The following NLRC5 variants were observed in gnomAD, a reference collection of about 807,000 sequenced individuals.
NLRC5 encodes protein NLRC5.
NLRC5 carries 114 observed loss-of-function variants against 206.9 expected under a neutral mutation model. The ratio of observed to expected loss-of-function variants is 0.55; its 90% CI spans 0.47 to 0.64. NLRC5 has a LOEUF of 0.64. Ranked by LOEUF, NLRC5 falls within the 30% of genes least tolerant of loss-of-function variation. NLRC5 has a pLI of 0.00. For synonymous variants in NLRC5, 952 were observed against 962.8 expected (o/e 0.99, Z 0.21); for missense variants, 2,008 against 2,305.5 (o/e 0.87, Z 2.64).
Position 57,025,615 on chromosome 16 carries a change from C to G in NLRC5, c.672C>G (p.Thr224=), listed in dbSNP as rs761428858. The change falls in exon 6 of 49, where the codon ACC becomes ACG. Residue 224 remains threonine, a synonymous_variant. Coordinates refer to ENST00000688547, the MANE Select transcript of NLRC5 (RefSeq NM_001384950.1). The part of the protein sequence containing the change: ...NTRVNKGPRV[T]VLLGKAGMGK... Reference sequence around the variant, plus strand: ...GGGTTAACAAGGGCCCGAGGGTGACCGTGCTTTTGGGGAAGGCTGGCATGG... The same window carrying G: ...GGGTTAACAAGGGCCCGAGGGTGACGGTGCTTTTGGGGAAGGCTGGCATGG... The G allele has an allele frequency of 1.2e-5, 20 of 1,614,050 alleles. No homozygotes were observed. The highest frequency in any genetic ancestry group is 1.6e-5 in the Non-Finnish European group (19 of 1,180,038).
chr16:57,072,997 T>G (rs1223780494), intron 38 of NLRC5, among the ~76,000 whole-genome samples: 1 of 152,240 alleles, frequency 6.6e-6, no homozygotes, highest in Non-Finnish European at 1.5e-5. Context: ...CTCACTGGTC[T>G]GTTTCTTTGC....
rs200883407 is a variant in NLRC5 at position 57,046,613 on chromosome 16, C to T, written c.3310C>T (p.Arg1104Cys). 70 of 1,614,038 alleles carry T rather than the reference C, an allele frequency of 4.3e-5. No homozygotes were observed. Among genetic ancestry groups the T allele is most frequent in the Non-Finnish European group, 3.6e-5 (42 of 1,179,954 alleles). The change falls in exon 22 of 49, where the codon CGT becomes TGT. Residue 1104 changes from arginine (R) to cysteine (C), a missense_variant. Transcript: ENST00000688547. ...FPAAAKFLGF[R>C]QRCIPRSLCL... ...AGCTGCAGCCAAGTTCTTAGGGTTC[C>T]GTCAGCGCTGCATCCCCAGGAGCCT... is the stretch of plus-strand genomic sequence containing the variant.
chr16:57,072,235 T>C (rs2067879483), intron 38 of NLRC5, among the ~76,000 whole-genome samples: 2 of 152,140 alleles, frequency 1.3e-5, no homozygotes, highest in Admixed American at 6.5e-5. Flanking sequence ...CAGGCTTACT[T>C]TCTCTCAGCT....
At chr16:57,002,018 C>G (rs1341640003) in intron 1 of NLRC5, among the ~76,000 whole-genome samples, 1 of 152,126 alleles carries the variant, frequency 6.6e-6, no homozygotes, top group East Asian at 1.9e-4. Context: ...TCTTTCTGTA[C>G]CTGGCTTATT....
At chr16:57,000,992 G>A (rs921856397) in intron 1 of NLRC5, among the ~76,000 whole-genome samples, 10 of 152,218 alleles carry the variant, frequency 6.6e-5, no homozygotes, top group Admixed American at 6.5e-5. Flanking sequence ...AATGGGCACA[G>A]CATAGACCCC....
chr16:57,075,499 C>T (rs983774363), intron 39 of NLRC5, among the ~76,000 whole-genome samples: 10 of 152,244 alleles, frequency 6.6e-5, no homozygotes, highest in African/African-American at 1.9e-4. Context: ...GGATTACAGG[C>T]GTGAGCCACC....
intron 27 of NLRC5, among the ~76,000 whole-genome samples, chr16:57,056,536 G>A (rs2065685373): frequency 6.6e-6 from 1 of 152,150 alleles, no homozygotes; most frequent in Non-Finnish European, 1.5e-5. Flanking sequence ...GTGATCCTCA[G>A]CCTCCCAGGT....
At chr16:57,028,922 C>G (rs762595211) in intron 8 of NLRC5, among the ~76,000 whole-genome samples, 1 of 152,162 alleles carries the variant, frequency 6.6e-6, no homozygotes, top group Non-Finnish European at 1.5e-5. Context: ...ATACTCCTGC[C>G]CTGTGTCTGG....
At chr16:57,078,060 G>A in intron 43 of NLRC5, 40 bp downstream of exon 43, 5 of 1,515,364 alleles carry the variant, frequency 3.3e-6, no homozygotes, top group Non-Finnish European at 3.6e-6. Context: ...GGCTGGTGGG[G>A]AGGAGGGTCC....
intron 1 of NLRC5, among the ~76,000 whole-genome samples, chr16:57,010,506 T>G (rs532988906): frequency 1.3e-5 from 2 of 152,258 alleles, no homozygotes; most frequent in South Asian, 4.1e-4. Flanking sequence ...CCCGATTAGC[T>G]GGGACTACAG....
intron 30 of NLRC5, among the ~76,000 whole-genome samples, chr16:57,060,731 C>T (rs1444961757): frequency 1.3e-5 from 2 of 152,158 alleles, no homozygotes; most frequent in Non-Finnish European, 2.9e-5. Context: ...CTGCTCACAC[C>T]GCACTCAGCT....
In NLRC5 at chr16:57,069,069, A is replaced by G. The variant is rs531688291; in HGVS notation, c.4500-767A>G. Among the ~76,000 whole-genome samples, 7 of 152,360 alleles carry G rather than the reference A, an allele frequency of 4.6e-5. No homozygotes were observed. In the South Asian group the frequency reaches 1.4e-3, roughly 32 times the overall value. ...GATGTTAACTGTGATCACCTGTGAC[A>G]GTGGTGTCTGCCAGGTCTCTCCACT... On this transcript the variant is annotated intron_variant, in intron 36 of 48. Coordinates refer to ENST00000688547, the MANE Select transcript of NLRC5 (RefSeq NM_001384950.1).
intron 1 of NLRC5, among the ~76,000 whole-genome samples, chr16:57,003,194 G>A (rs1182194682): frequency 1.3e-5 from 2 of 151,996 alleles, no homozygotes; most frequent in African/African-American, 2.4e-5. Context: ...GATTACAGGC[G>A]CCTGCCACCA....
At chr16:57,032,030 T>C (rs1257907659) in intron 11 of NLRC5, among the ~76,000 whole-genome samples, 6 of 152,006 alleles carry the variant, frequency 3.9e-5, no homozygotes, top group Non-Finnish European at 8.8e-5. Context: ...TGGCTAAGAC[T>C]CAGAGACAGA....
intron 14 of NLRC5, among the ~76,000 whole-genome samples, chr16:57,036,955 T>C (rs2062663813): frequency 6.6e-6 from 1 of 151,932 alleles, no homozygotes; most frequent in Non-Finnish European, 1.5e-5. Context: ...GTCAGAGAGG[T>C]GAAAACACTG....
At chr16:57,034,364 G>T (rs760892628) in intron 13 of NLRC5, 113 bp downstream of exon 13, 1 of 729,958 alleles carries the variant, frequency 1.4e-6, no homozygotes, top group Non-Finnish European at 2.3e-6. Flanking sequence ...GCCTCATGAA[G>T]AATTTGGGGG....
At chr16:57,041,598 G>A (rs1431257379) in intron 18 of NLRC5, 24 bp downstream of exon 18, 1 of 1,594,254 alleles carries the variant, frequency 6.3e-7, no homozygotes, top group African/African-American at 1.3e-5. Flanking sequence ...GTGTTGGAAG[G>A]TGGGTGGGTG....
intron 1 of NLRC5, among the ~76,000 whole-genome samples, chr16:57,015,344 C>G (rs1343526438): frequency 6.6e-6 from 1 of 151,976 alleles, no homozygotes; most frequent in African/African-American, 2.4e-5. Flanking sequence ...TTAGGCTTCA[C>G]CAGGTGAATT....
chr16:57,002,654 T>TG (rs1456272195), intron 1 of NLRC5, among the ~76,000 whole-genome samples: 5 of 147,188 alleles, frequency 3.4e-5, no homozygotes, highest in African/African-American at 1.3e-4. Context: ...TGTTTTTTTT[T>TG]TTTTTTTGAG....
Sources: allele counts gnomAD v4.1 joint callset (sites outside exome capture counted in the v4.1 genomes callset), GRCh38; gene constraint gnomAD v4.1.1; transcripts MANE v1.5; gene names NCBI Gene and HGNC (gene_info 2026-07-23, HGNC 2026-07-21).